The following KLHL2 variants were observed in gnomAD, a reference collection of about 807,000 sequenced individuals.
KLHL2 encodes kelch like family member 2, also known as kelch-like protein 2.
In KLHL2, 15 loss-of-function variants were observed where a neutral mutation model predicts 75.8. That is an observed-to-expected ratio of 0.20 (90% CI 0.13 to 0.30). KLHL2 has a LOEUF of 0.30. KLHL2 is among the 10% of genes least tolerant of loss of function. KLHL2 has a pLI of 1.00. For synonymous variants in KLHL2, 214 were observed against 251.9 expected (o/e 0.85, Z 1.42); for missense variants, 381 against 741.0 (o/e 0.51, Z 5.64).
intron 3 of KLHL2, among the ~76,000 whole-genome samples, chr4:165,233,288 A>T (rs1739061669): frequency 1.3e-5 from 2 of 152,268 alleles, no homozygotes; most frequent in African/African-American, 2.4e-5. Flanking sequence ...AAGAAAGAAC[A>T]TACCAAATTG....
chr4:165,288,809 T>C (rs1744285281), intron 5 of KLHL2, among the ~76,000 whole-genome samples: 1 of 151,818 alleles, frequency 6.6e-6, no homozygotes, highest in South Asian at 2.1e-4. Context: ...AATAGCATAC[T>C]GTTTCATAAT....
chr4:165,311,754 TAA>T lies in KLHL2; in HGVS notation c.1339+191_1339+192del, dbSNP rs576958707. Among the ~76,000 whole-genome samples the T allele has an allele frequency of 1.6e-4, 24 of 152,206 alleles. No homozygotes were observed. In the East Asian group the frequency reaches 4.4e-3, roughly 28 times the overall value. ...GCTTCTCTATATAAATCAACCTATA[TAA>T]AGCCTTTTCTCTCCCTCTCTATCCC... On this transcript the variant is annotated intron_variant, in intron 11 of 14. Transcript: ENST00000226725.
At chr4:165,294,917 G>T (rs1379097063) in intron 6 of KLHL2, among the ~76,000 whole-genome samples, 2 of 152,098 alleles carry the variant, frequency 1.3e-5, no homozygotes, top group Non-Finnish European at 2.9e-5. Flanking sequence ...GCGAAGTTTT[G>T]GTAGTTCTAG....
chr4:165,298,666 C>T (rs920461185), intron 7 of KLHL2, among the ~76,000 whole-genome samples: 2 of 151,728 alleles, frequency 1.3e-5, no homozygotes, highest in Admixed American at 6.6e-5. Context: ...AGGGTGGGTG[C>T]GGTCAGTGGC....
At chr4:165,306,151 CA>C (rs1346479021) in intron 9 of KLHL2, among the ~76,000 whole-genome samples, 1 of 152,118 alleles carries the variant, frequency 6.6e-6, no homozygotes. Context: ...TTCATTTAGC[CA>C]AAGCTGTGAT....
At chr4:165,238,119 A>G (rs1210866513) in intron 3 of KLHL2, among the ~76,000 whole-genome samples, 10 of 152,366 alleles carry the variant, frequency 6.6e-5, no homozygotes, top group South Asian at 4.1e-4. Flanking sequence ...AAGTTGCTGC[A>G]GTTGACAAAC....
At chr4:165,302,569 A>G (rs555376785) in intron 8 of KLHL2, among the ~76,000 whole-genome samples, 2 of 152,332 alleles carry the variant, frequency 1.3e-5, no homozygotes, top group South Asian at 2.1e-4. Flanking sequence ...AACAGATTGT[A>G]TAAGGTATCC....
At chr4:165,290,308 A>T (rs2126472009) in intron 5 of KLHL2, among the ~76,000 whole-genome samples, 1 of 151,820 alleles carries the variant, frequency 6.6e-6, no homozygotes, top group Middle Eastern at 3.4e-3. Context: ...ATGCCCAGCT[A>T]ATTTTTTGTA....
In KLHL2 at chr4:165,317,873, G is replaced by A; in HGVS notation, c.1657G>A (p.Gly553Ser). The change falls in exon 14 of 15, where the codon GGT becomes AGT. Residue 553 changes from glycine (G) to serine (S), a missense_variant. Gly to Ser is a moderately conservative substitution (Grantham distance 56). Around this residue, in one of 5 missense-constraint regions of KLHL2, gnomAD observed 168 missense variants for 370.4 expected, o/e 0.45. Transcript: ENST00000226725. ...GLLYVVGGDD[G>S]SCNLASVEYY... Reference sequence around the variant, plus strand: ...GTTATATGTTGTTGGAGGGGATGATGGTTCCTGTAACTTGGCGTCAGTAGA... The same window carrying A: ...GTTATATGTTGTTGGAGGGGATGATAGTTCCTGTAACTTGGCGTCAGTAGA... The A allele has an allele frequency of 6.2e-7, 1 of 1,613,766 alleles. No homozygotes were observed. The highest frequency in any genetic ancestry group is 8.5e-7 in the Non-Finnish European group (1 of 1,179,748).
intron 2 of KLHL2, among the ~76,000 whole-genome samples, chr4:165,228,439 A>G (rs1446855432): frequency 6.7e-6 from 1 of 149,960 alleles, no homozygotes; most frequent in African/African-American, 2.5e-5. Flanking sequence ...TTTTTTCTTC[A>G]TCTTCATGTC....
chr4:165,252,628 T>C (rs1460979235), intron 4 of KLHL2: 5 of 152,232 alleles, frequency 3.3e-5, no homozygotes, highest in Non-Finnish European at 7.3e-5. Context: ...ATCTGAGGCA[T>C]GATTATTGCT....
At chr4:165,230,389 C>T (rs1204623527) in intron 3 of KLHL2, among the ~76,000 whole-genome samples, 1 of 152,162 alleles carries the variant, frequency 6.6e-6, no homozygotes, top group Non-Finnish European at 1.5e-5. Context: ...TACCCACATC[C>T]TAGAGTTTTT....
At chr4:165,219,801 T>C in intron 1 of KLHL2, 133 bp from the exon 2 acceptor site, 7 of 1,365,852 alleles carry the variant, frequency 5.1e-6, no homozygotes, top group Middle Eastern at 2.2e-4. Flanking sequence ...CATTGGGATA[T>C]TCTGTCCATG....
chr4:165,273,431 T>C (rs1490063084), intron 5 of KLHL2, among the ~76,000 whole-genome samples: 1 of 152,236 alleles, frequency 6.6e-6, no homozygotes, highest in Non-Finnish European at 1.5e-5. Context: ...AGAATAATAC[T>C]ATAAAACAGT....
chr4:165,266,983 T>C (rs1341177413), intron 5 of KLHL2, among the ~76,000 whole-genome samples: 1 of 152,162 alleles, frequency 6.6e-6, no homozygotes, highest in Admixed American at 6.6e-5. Flanking sequence ...GTTTGTGTCC[T>C]CTTTTATTTT....
At position 165,238,689 on chromosome 4, in the gene KLHL2, T is replaced by G. The variant is rs991882916; in HGVS notation, c.260-89T>G. 18 of 1,585,398 alleles carry G rather than the reference T, an allele frequency of 1.1e-5. No homozygotes were observed. In the African/African-American group the frequency reaches 2.1e-4, roughly 18 times the overall value. On this transcript the variant is annotated intron_variant, in intron 3 of 14. Transcript: ENST00000226725. Reference sequence around the variant, plus strand: ...TATGCTGCCTGTTGAATACAGTGAGTGGCAAGAAGATGTATCAATCTACAT... The same window carrying G: ...TATGCTGCCTGTTGAATACAGTGAGGGGCAAGAAGATGTATCAATCTACAT...
At chr4:165,258,395 CA>C (rs56083222) in intron 4 of KLHL2, among the ~76,000 whole-genome samples, 11,784 of 105,426 alleles carry the variant, frequency 0.11, 474 homozygotes, top group Middle Eastern at 0.15. Context: ...TTAACTATGA[CA>C]AAAAAAAAAA....
chr4:165,263,428 T>A (rs867242624), intron 5 of KLHL2, 69 bp downstream of exon 5: 2 of 1,580,098 alleles, frequency 1.3e-6, no homozygotes, highest in Middle Eastern at 3.4e-4. Context: ...TCCACAGTGG[T>A]CTCTGGAAAG....
intron 9 of KLHL2, among the ~76,000 whole-genome samples, chr4:165,307,265 G>A (rs181613218): frequency 1.8e-4 from 27 of 152,092 alleles, no homozygotes; most frequent in African/African-American, 5.8e-4. Flanking sequence ...CCAAGACCTC[G>A]CCACTGCACT....
Sources: gnomAD v4.1 joint callset for allele counts (sites outside exome capture counted in the v4.1 genomes callset) on GRCh38, gnomAD v4.1.1 for gene constraint, gnomAD v4.1.1 regional missense constraint, MANE v1.5 for transcripts, NCBI Gene and HGNC (gene_info 2026-07-23, HGNC 2026-07-21) for gene names.